Variants in C7orf78 observed in about 807,000 individuals in gnomAD.
The protein encoded by C7orf78 is putative uncharacterized protein C7orf78.
the C7orf78 span, among the ~76,000 whole-genome samples, chr7:12,502,921 A>G: frequency 6.6e-6 from 1 of 151,206 alleles, no homozygotes; most frequent in Non-Finnish European, 1.5e-5. Context: ...TGATGAGTTC[A>G]TGTCCTTTGT....
the C7orf78 span, among the ~76,000 whole-genome samples, chr7:12,499,041 T>A: frequency 6.6e-6 from 1 of 151,350 alleles, no homozygotes; most frequent in Non-Finnish European, 1.5e-5. Context: ...TGCTGAGAGA[T>A]TTTGTCACCA....
At chr7:12,528,815 T>G in the C7orf78 span, 1 of 396,676 alleles carries the variant, frequency 2.5e-6, no homozygotes, top group Non-Finnish European at 4.4e-6. Flanking sequence ...TCCTGGGTCC[T>G]GATCTCCAAA....
chr7:12,519,136 G>A, the C7orf78 span, among the ~76,000 whole-genome samples: 1 of 152,092 alleles, frequency 6.6e-6, no homozygotes, highest in South Asian at 2.1e-4. Context: ...TGACCATACT[G>A]CAGGGGGACA....
chr7:12,494,164 C>T, the C7orf78 span, among the ~76,000 whole-genome samples: 2 of 151,960 alleles, frequency 1.3e-5, no homozygotes, highest in Non-Finnish European at 2.9e-5. Flanking sequence ...GAGGAAGGGA[C>T]CAAGAGGCTG....
At chr7:12,529,980 A>G in the C7orf78 span, among the ~76,000 whole-genome samples, 1 of 132,036 alleles carries the variant, frequency 7.6e-6, no homozygotes, top group Admixed American at 7.7e-5. Context: ...TTCCTAGAAA[A>G]GAAGTGGTAC....
At chr7:12,503,751 C>G in the C7orf78 span, among the ~76,000 whole-genome samples, 1 of 151,580 alleles carries the variant, frequency 6.6e-6, no homozygotes, top group Non-Finnish European at 1.5e-5. Context: ...TTTTAACTTA[C>G]CAAGAAATAT....
At chr7:12,507,097 G>A in the C7orf78 span, 4 of 295,912 alleles carry the variant, frequency 1.4e-5, no homozygotes, top group African/African-American at 2.3e-5. Context: ...TCAAGAGATC[G>A]AGATCATCCT....
chr7:12,534,156 T>A, the C7orf78 span, among the ~76,000 whole-genome samples: 3 of 152,182 alleles, frequency 2.0e-5, no homozygotes, highest in Non-Finnish European at 4.4e-5. Context: ...GAGAACAACT[T>A]TGGCAGAGCC....
At chr7:12,513,898 G>T in the C7orf78 span, among the ~76,000 whole-genome samples, 4 of 152,238 alleles carry the variant, frequency 2.6e-5, no homozygotes, top group Middle Eastern at 3.4e-3. Flanking sequence ...TACTAGGGAG[G>T]CTGAAGCAGG....
the C7orf78 span, among the ~76,000 whole-genome samples, chr7:12,526,333 T>C: frequency 3.9e-5 from 6 of 152,212 alleles, no homozygotes; most frequent in East Asian, 1.9e-4. Context: ...TAGTAATGTA[T>C]TAAAAAACAC....
the C7orf78 span, among the ~76,000 whole-genome samples, chr7:12,516,783 A>C: frequency 6.6e-6 from 1 of 152,180 alleles, no homozygotes; most frequent in Non-Finnish European, 1.5e-5. Context: ...TCAGACTTGC[A>C]TGGGCCCTGT....
At chr7:12,522,783 G>A in the C7orf78 span, among the ~76,000 whole-genome samples, 1 of 152,156 alleles carries the variant, frequency 6.6e-6, no homozygotes, top group Non-Finnish European at 1.5e-5. Flanking sequence ...TGACTGCTGT[G>A]ACAAAGGTGC....
At chr7:12,495,601 T>C in the C7orf78 span, among the ~76,000 whole-genome samples, 1 of 152,220 alleles carries the variant, frequency 6.6e-6, no homozygotes, top group Admixed American at 6.5e-5. Flanking sequence ...TTAGCTACAT[T>C]ATGGCATTAG....
At chr7:12,539,542 T>C in the C7orf78 span, among the ~76,000 whole-genome samples, 14 of 152,048 alleles carry the variant, frequency 9.2e-5, no homozygotes, top group East Asian at 2.5e-3. Flanking sequence ...AGGGTGAGAG[T>C]AGTTGGTCTG....
At chr7:12,516,760 G>T in the C7orf78 span, among the ~76,000 whole-genome samples, 13 of 152,290 alleles carry the variant, frequency 8.5e-5, no homozygotes, top group African/African-American at 2.4e-4. Context: ...AAATTTGACT[G>T]CCCAGATGGA....
the C7orf78 span, among the ~76,000 whole-genome samples, chr7:12,536,862 C>A: frequency 1.3e-5 from 2 of 152,170 alleles, no homozygotes. Context: ...CACCTTTACT[C>A]CAGTTTTCAA....
the C7orf78 span, among the ~76,000 whole-genome samples, chr7:12,492,295 T>C: frequency 6.6e-6 from 1 of 152,202 alleles, no homozygotes; most frequent in Non-Finnish European, 1.5e-5. Context: ...CTGACCAAGG[T>C]AGTTCTTTTA....
chr7:12,539,309 A>G, the C7orf78 span, among the ~76,000 whole-genome samples: 2 of 151,978 alleles, frequency 1.3e-5, no homozygotes, highest in African/African-American at 4.8e-5. Flanking sequence ...CTAAAAATAC[A>G]AAAAATTAGC....
chr7:12,540,405 T>C, the C7orf78 span, among the ~76,000 whole-genome samples: 22 of 152,324 alleles, frequency 1.4e-4, 1 homozygote, highest in South Asian at 4.3e-3. Context: ...CAGCTTTTAA[T>C]TGGCATTTAT....
Sources: allele counts gnomAD v4.1 joint callset (sites outside exome capture counted in the v4.1 genomes callset), GRCh38; gene constraint gnomAD v4.1.1; transcripts MANE v1.5; gene names NCBI Gene and HGNC (gene_info 2026-07-23, HGNC 2026-07-21).